Variants in PLCG2 observed in about 807,000 individuals in gnomAD.
PLCG2 encodes the protein phospholipase C gamma 2, also known as 1-phosphatidylinositol 4,5-bisphosphate phosphodiesterase gamma-2.
A neutral mutation model predicts 175.6 loss-of-function variants in PLCG2; 69 were observed. The ratio of observed to expected loss-of-function variants is 0.39; its 90% CI spans 0.32 to 0.48. The LOEUF (loss-of-function observed/expected upper bound fraction) is 0.48. Ranked by LOEUF, PLCG2 falls within the 20% of genes least tolerant of loss-of-function variation. The probability of loss-of-function intolerance (pLI) is 0.91; values close to 1 mark genes in which losing one functional copy is unlikely to be tolerated. For synonymous variants in PLCG2, 827 were observed against 624.0 expected, an observed-to-expected ratio of 1.33 and a Z score of -4.85; for missense variants, 1,798 against 1,650.9, an observed-to-expected ratio of 1.09 and a Z score of -1.54.
intron 7 of PLCG2, among the ~76,000 whole-genome samples, chr16:81,879,030 G>A (rs570151694): frequency 1.7e-4 from 26 of 152,260 alleles, no homozygotes; most frequent in African/African-American, 5.3e-4. Flanking sequence ...GGTTCTGGGA[G>A]CATCTGTACC....
intron 2 of PLCG2, among the ~76,000 whole-genome samples, chr16:81,793,397 AT>A (rs1911326587): frequency 6.6e-6 from 1 of 152,048 alleles, no homozygotes; most frequent in African/African-American, 2.4e-5. Flanking sequence ...CATCTTGTGC[AT>A]TTGAAAGGCT....
At chr16:81,775,465 A>G (rs1291088235), upstream of PLCG2, among the ~76,000 whole-genome samples, 3 of 152,150 alleles carry the variant, frequency 2.0e-5, no homozygotes, top group African/African-American at 4.8e-5. Flanking sequence ...TCTTCTTCCC[A>G]GTAACAATTC....
At chr16:81,953,048 C>T (rs1271023269) in intron 31 of PLCG2, among the ~76,000 whole-genome samples, 2 of 152,190 alleles carry the variant, frequency 1.3e-5, no homozygotes, top group Non-Finnish European at 2.9e-5. Context: ...GACATTCTTG[C>T]CAAAACTGCA....
chr16:81,939,812 C>A, intron 29 of PLCG2, 80 bp from the exon 30 acceptor site: 1 of 913,752 alleles, frequency 1.1e-6, no homozygotes, highest in Non-Finnish European at 1.8e-6. Context: ...AGGGGATTCA[C>A]AGCTGAAGGA....
At chr16:81,843,276 A>G (rs1905932905) in intron 2 of PLCG2, among the ~76,000 whole-genome samples, 1 of 152,194 alleles carries the variant, frequency 6.6e-6, no homozygotes, top group African/African-American at 2.4e-5. Context: ...CCTTCTCACT[A>G]GTAGTGCCTG....
intron 5 of PLCG2, among the ~76,000 whole-genome samples, chr16:81,865,160 G>A (rs1907167199): frequency 6.6e-6 from 1 of 152,128 alleles, no homozygotes; most frequent in South Asian, 2.1e-4. Flanking sequence ...GAGACTAGAG[G>A]GCCAGGCCTT....
chr16:81,832,842 T>C (rs536445298), intron 2 of PLCG2, among the ~76,000 whole-genome samples: 1 of 152,190 alleles, frequency 6.6e-6, no homozygotes, highest in Non-Finnish European at 1.5e-5. Context: ...ACCCTGTGGG[T>C]GACCCATTAG....
intron 2 of PLCG2, among the ~76,000 whole-genome samples, chr16:81,804,043 C>T (rs1911881889): frequency 6.6e-6 from 1 of 152,206 alleles, no homozygotes; most frequent in African/African-American, 2.4e-5. Context: ...TGTGTGAACA[C>T]ATGTTTCCAT....
At chr16:81,877,619 G>A (rs533118530) in intron 7 of PLCG2, among the ~76,000 whole-genome samples, 1 of 152,332 alleles carries the variant, frequency 6.6e-6, no homozygotes, top group Non-Finnish European at 1.5e-5. Context: ...AATGCTTCAA[G>A]CATTCCTCGG....
intron 2 of PLCG2, among the ~76,000 whole-genome samples, chr16:81,837,775 G>C (rs1258106057): frequency 1.4e-5 from 2 of 147,016 alleles, no homozygotes; most frequent in African/African-American, 5.0e-5. Context: ...AAAGATGTAA[G>C]AAATGATACA....
In PLCG2 at chr16:81,959,942, T is replaced by C. The variant is rs1857139655; in HGVS notation, c.*1944T>C. 1 of 201,110 alleles carries C rather than the reference T, an allele frequency of 5.0e-6. No individual in the cohort carries two copies. Among genetic ancestry groups the C allele is most frequent in the African/African-American group, 2.3e-5 (1 of 43,490 alleles). The allele number at this position is 201,110 out of a possible 1,614,324, so 12.5% of individuals were successfully genotyped here. ...GGCCTGCATCCCCTTTCTGCCCAAA[T>C]GGGTTTTTTGCTACCATATCAAAGA... On this transcript the variant is annotated 3_prime_UTR_variant, in exon 33 of 33. Transcript: ENST00000564138.
At chr16:81,915,759 C>G (rs1909813948) in intron 19 of PLCG2, among the ~76,000 whole-genome samples, 1 of 152,094 alleles carries the variant, frequency 6.6e-6, no homozygotes, top group Admixed American at 6.5e-5. Context: ...GGAACCTGAC[C>G]TTGGCTCTGT....
At chr16:81,866,900 T>G (rs1041228389) in intron 5 of PLCG2, among the ~76,000 whole-genome samples, 2 of 152,248 alleles carry the variant, frequency 1.3e-5, no homozygotes, top group African/African-American at 2.4e-5. Flanking sequence ...CTCCCAGGGC[T>G]GAGGCAGAAA....
Position 81,927,190 on chromosome 16 carries a change from T to G in PLCG2, c.2514+12T>G. On this transcript the variant is annotated intron_variant, in intron 23 of 32. Transcript: ENST00000564138. ...AGCTAGAAAAGCAGGTGAGTCCCCCTCTTCGATCCTCTTACAGGAAGAAGG... is the reference window on the plus strand; with the variant it reads ...AGCTAGAAAAGCAGGTGAGTCCCCCGCTTCGATCCTCTTACAGGAAGAAGG... 6.4e-7 allele frequency: 1 copy of G among 1,554,156 alleles called. No individual in the cohort carries two copies. The highest frequency in any genetic ancestry group is 8.9e-7 in the Non-Finnish European group (1 of 1,125,326).
chr16:81,814,846 G>A (rs2143308953), intron 2 of PLCG2, among the ~76,000 whole-genome samples: 1 of 152,314 alleles, frequency 6.6e-6, no homozygotes, highest in East Asian at 1.9e-4. Flanking sequence ...CTCTGCAGTG[G>A]GGATTATGAT....
chr16:81,842,709 G>A (rs1019016771), intron 2 of PLCG2: 2 of 152,506 alleles, frequency 1.3e-5, no homozygotes, highest in Non-Finnish European at 2.9e-5. Context: ...GGGAGCCTGA[G>A]AGAGACAGAG....
rs192381797 is a variant in PLCG2, at chr16:81,820,005, C to G, written c.193+33823C>G. 1.8e-4 allele frequency among the ~76,000 whole-genome samples: 27 copies of G among 152,330 alleles called. No individual in the cohort carries two copies. In the East Asian group the frequency reaches 3.5e-3, roughly 20 times the overall value. ...ACAAAAGAAAAATATCTCCCATTGA[C>G]TACCCTCCAGGGAGCACTGGACCCA... On this transcript the variant is annotated intron_variant, in intron 2 of 32. Coordinates refer to ENST00000564138, the MANE Select transcript of PLCG2 (RefSeq NM_002661.5).
chr16:81,881,060 C>A (rs906508544), intron 8 of PLCG2, 107 bp downstream of exon 8: 4 of 1,165,122 alleles, frequency 3.4e-6, no homozygotes, highest in African/African-American at 1.5e-5. Flanking sequence ...CGCTGACCTC[C>A]AAAGGGGCAG....
Position 81,961,846 on chromosome 16 carries a change from A to G in PLCG2, c.*3848A>G, listed in dbSNP as rs976328073. The G allele has an allele frequency of 7.4e-5, 15 of 202,014 alleles. No homozygotes were observed. The highest frequency in any genetic ancestry group is 2.5e-4 in the African/African-American group (11 of 43,586). 12.5% of individuals were successfully genotyped at this position (202,014 alleles called of 1,614,324 possible). On this transcript the variant is annotated 3_prime_UTR_variant, in exon 33 of 33. Transcript: ENST00000564138. The stretch of plus-strand genomic sequence containing the variant: ...TTATAATGAGAAATTTTAGATGTCA[A>G]TATAGCAATGTGCAAGAAGATAGAG...
Sources: gnomAD v4.1 joint callset for allele counts (sites outside exome capture counted in the v4.1 genomes callset) on GRCh38, gnomAD v4.1.1 for gene constraint, MANE v1.5 for transcripts, NCBI Gene and HGNC (gene_info 2026-07-23, HGNC 2026-07-21) for gene names.